The following PCBP3 variants were observed in gnomAD, a reference collection of about 807,000 sequenced individuals.
PCBP3 encodes the protein poly(rC) binding protein 3.
Under a neutral mutation model 52.7 loss-of-function variants are expected in PCBP3, and 25 were observed. The observed-to-expected ratio is 0.47, with a 90% CI of 0.35 to 0.66. The LOEUF (loss-of-function observed/expected upper bound fraction) is 0.66. PCBP3 is among the 30% of genes least tolerant of loss of function. PCBP3 has a pLI of 0.01. For missense variants in PCBP3, 391 were observed against 490.3 expected (o/e 0.80, Z 1.91); for synonymous variants, 162 against 183.0 (o/e 0.89, Z 0.93).
chr21:45,667,370 C>G (rs543594045), intron 1 of PCBP3, among the ~76,000 whole-genome samples: 1 of 151,592 alleles, frequency 6.6e-6, no homozygotes, highest in African/African-American at 2.4e-5. Context: ...TTTTTTTTAA[C>G]TTCTTTACTT....
intron 8 of PCBP3, 123 bp downstream of exon 8, chr21:45,900,746 A>G (rs1227867001): frequency 1.2e-6 from 1 of 805,254 alleles, no homozygotes; most frequent in Non-Finnish European, 2.1e-6. Context: ...TGGGGAGTGC[A>G]GTGCGGGGCC....
chr21:45,688,125 CAG>C (rs927981155), intron 2 of PCBP3, among the ~76,000 whole-genome samples: 7 of 152,050 alleles, frequency 4.6e-5, no homozygotes, highest in African/African-American at 1.7e-4. Flanking sequence ...ATACATGAAA[CAG>C]AATTAAAAGT....
chr21:45,674,684 A>G (rs963380182), intron 2 of PCBP3, among the ~76,000 whole-genome samples: 4 of 152,230 alleles, frequency 2.6e-5, no homozygotes, highest in African/African-American at 7.2e-5. Flanking sequence ...TTTTGGTTTA[A>G]TAGTCTTTTT....
At chr21:45,663,370 G>C (rs531950808) in intron 1 of PCBP3, among the ~76,000 whole-genome samples, 2 of 151,998 alleles carry the variant, frequency 1.3e-5, no homozygotes, top group Admixed American at 6.6e-5. Context: ...GTGGTCGCCC[G>C]GGCCCAGCTG....
At chr21:45,809,439 A>C (rs2092612770) in intron 4 of PCBP3, among the ~76,000 whole-genome samples, 1 of 152,068 alleles carries the variant, frequency 6.6e-6, no homozygotes, top group Non-Finnish European at 1.5e-5. Context: ...AGTACGGGAG[A>C]TAAAGAGGGG....
chr21:45,900,723 C>A, intron 8 of PCBP3, 100 bp downstream of exon 8: 1 of 999,030 alleles, frequency 1.0e-6, no homozygotes, highest in Non-Finnish European at 1.6e-6. Flanking sequence ...TGCTCTTGGC[C>A]AGCCGGGGTG....
chr21:45,796,403 C>T, intron 4 of PCBP3, among the ~76,000 whole-genome samples: 1 of 152,200 alleles, frequency 6.6e-6, no homozygotes, highest in Admixed American at 6.5e-5. Flanking sequence ...GCTGTGTCTC[C>T]TGCCTCAGTT....
In PCBP3 at chr21:45,778,956, A is replaced by G. The variant is rs374300036; in HGVS notation, c.-126+23504A>G. Reference sequence around the variant, plus strand: ...CAAAGCCTGGGTTGATGGATAGGGAATGCACACCCCTCTCAGCTCCCAGTC... The same window carrying G: ...CAAAGCCTGGGTTGATGGATAGGGAGTGCACACCCCTCTCAGCTCCCAGTC... On this transcript the variant is annotated intron_variant, in intron 4 of 17. Coordinates refer to ENST00000681687, the MANE Select transcript of PCBP3 (RefSeq NM_001384156.1). Among the ~76,000 whole-genome samples, 28 of 152,110 alleles carry G rather than the reference A, an allele frequency of 1.8e-4. No individual in the cohort carries two copies. In the East Asian group the frequency reaches 5.0e-3, roughly 27 times the overall value.
intron 10 of PCBP3, 90 bp downstream of exon 10, chr21:45,909,576 G>T: frequency 7.6e-7 from 1 of 1,322,016 alleles, no homozygotes; most frequent in Non-Finnish European, 1.0e-6. Flanking sequence ...CCTGAGCCTT[G>T]TCCCTGCTGT....
chr21:45,781,386 A>G lies in PCBP3; in HGVS notation c.-126+25934A>G, dbSNP rs1322182009. Among the ~76,000 whole-genome samples the G allele has an allele frequency of 2.0e-5, 3 of 152,230 alleles. No individual in the cohort carries two copies. In the East Asian group the frequency reaches 5.8e-4, roughly 29 times the overall value. ...GAACATCCATTTCACAAACGAAGAC[A>G]TGTGACTGGCATATAAGTACATAAA... is the stretch of plus-strand genomic sequence containing the variant. On this transcript the variant is annotated intron_variant, in intron 4 of 17. Transcript: ENST00000681687.
chr21:45,726,041 CG>C (rs2085013872), intron 2 of PCBP3, among the ~76,000 whole-genome samples: 1 of 152,160 alleles, frequency 6.6e-6, no homozygotes, highest in Admixed American at 6.5e-5. Context: ...AGGTTTGGTA[CG>C]GAGGCTGCAG....
At chr21:45,775,713 C>T (rs1311250709) in intron 4 of PCBP3, among the ~76,000 whole-genome samples, 1 of 152,196 alleles carries the variant, frequency 6.6e-6, no homozygotes, top group African/African-American at 2.4e-5. Context: ...AACCACTGTG[C>T]CCAGCCTTCT....
chr21:45,804,108 C>CCTGCTGCCGCGCCTCCCTCT (rs1333871989), intron 4 of PCBP3, among the ~76,000 whole-genome samples: 2 of 152,262 alleles, frequency 1.3e-5, no homozygotes, highest in East Asian at 3.9e-4. Context: ...GTGCCCACTG[C>CCTGCTGCCGCGCCTCCCTCT]CTGCTGCCGC....
rs767280415 is a variant in PCBP3 at position 45,910,961 on chromosome 21, G to A, written c.531G>A (p.Ala177=). 2.7e-5 allele frequency: 44 copies of A among 1,612,092 alleles called. No individual in the cohort carries two copies. Among genetic ancestry groups the A allele is most frequent in the African/African-American group, 1.1e-4 (8 of 74,910 alleles). Residue 177 remains alanine (A), a synonymous_variant, in exon 11 of 18, where the codon GCG becomes GCA. Coordinates refer to ENST00000681687, the MANE Select transcript of PCBP3 (RefSeq NM_001384156.1). ...TGCTGCCCAACTCCACGGAGCGAGC[G>A]GTGACCATCTCGGGGACCCCAGATG... The part of the protein sequence containing the change: ...GDMLPNSTER[A]VTISGTPDAI...
At chr21:45,889,097 A>T (rs958152742) in intron 5 of PCBP3, among the ~76,000 whole-genome samples, 2 of 152,234 alleles carry the variant, frequency 1.3e-5, no homozygotes, top group Non-Finnish European at 2.9e-5. Context: ...GCACTGTTGC[A>T]TGACTGGAGC....
chr21:45,940,752 C>A (rs1459278606), intron 17 of PCBP3, among the ~76,000 whole-genome samples: 1 of 97,938 alleles, frequency 1.0e-5, no homozygotes, highest in African/African-American at 4.7e-5. Context: ...ACCACCAGTC[C>A]CCCCGCCAGG....
intron 11 of PCBP3, among the ~76,000 whole-genome samples, chr21:45,912,135 C>T (rs996756475): frequency 2.6e-5 from 4 of 152,216 alleles, no homozygotes; most frequent in African/African-American, 9.6e-5. Flanking sequence ...GTGCCAGGTG[C>T]AGCTCCACAG....
intron 2 of PCBP3, among the ~76,000 whole-genome samples, chr21:45,671,002 A>G (rs568505004): frequency 7.9e-5 from 12 of 152,152 alleles, no homozygotes; most frequent in Non-Finnish European, 1.8e-4. Flanking sequence ...TGGAGAAGGC[A>G]CACATGCTTC....
chr21:45,800,584 C>A lies in PCBP3; in HGVS notation c.-126+45132C>A, dbSNP rs2092258509. 6.6e-6 allele frequency among the ~76,000 whole-genome samples: 1 copy of A among 152,168 alleles called. No individual in the cohort carries two copies. Among genetic ancestry groups the A allele is most frequent in the Non-Finnish European group, 1.5e-5 (1 of 68,018 alleles). On this transcript the variant is annotated intron_variant, in intron 4 of 17. Transcript: ENST00000681687. This position sits in a 1 kb window ranked among gnomAD's most constrained non-coding sequence, Gnocchi z 5.3. ...AGCCTTGCTGGTGCCTCCTGCCCTG[C>A]CCTCTGCTCTCAGCTGCCTGCCCTG...
Sources: gnomAD v4.1 joint callset for allele counts (sites outside exome capture counted in the v4.1 genomes callset) on GRCh38, gnomAD v4.1.1 for gene constraint, Gnocchi (gnomAD v3.1) non-coding constraint, MANE v1.5 for transcripts, NCBI Gene and HGNC (gene_info 2026-07-23, HGNC 2026-07-21) for gene names.